The following KLHL1 variants were observed in gnomAD, a reference collection of about 807,000 sequenced individuals.
KLHL1 encodes kelch like family member 1, also known as kelch-like protein 1.
A neutral mutation model predicts 77.7 loss-of-function variants in KLHL1; 47 were observed. That is an observed-to-expected ratio of 0.60 (90% CI 0.48 to 0.77). The LOEUF is 0.77. Among genes scored for constraint, KLHL1 ranks in the 30% least tolerant of loss-of-function variants. The pLI is 0.00. For missense variants in KLHL1, 925 were observed against 910.8 expected, an observed-to-expected ratio of 1.02 and a Z score of -0.20; for synonymous variants, 360 against 325.2, an observed-to-expected ratio of 1.11 and a Z score of -1.15.
At position 69,882,355 on chromosome 13, in the gene KLHL1, A is replaced by T. The variant is rs562926161; in HGVS notation, c.1155T>A (p.Tyr385Ter). 1.2e-6 allele frequency: 2 copies of T among 1,613,986 alleles called. No homozygotes were observed. Among genetic ancestry groups the T allele is most frequent in the South Asian group, 1.1e-5 (1 of 91,072 alleles). Residue 385 changes from tyrosine (Y) to a stop codon, truncating the protein, a stop_gained, in exon 5 of 11, where the codon TAT becomes TAA. Transcript: ENST00000377844. LOFTEE classifies it high-confidence loss of function. ...GGTCATTGCATCTACTCTGCATGTC[A>T]TACTTGACCCACATCATCAATGCAT... The part of the protein sequence containing the change: ...IFHALMMWVK[Y>*]DMQSRCNDLS...
chr13:69,859,504 C>G (rs1287359671), intron 5 of KLHL1, among the ~76,000 whole-genome samples: 6 of 152,006 alleles, frequency 3.9e-5, no homozygotes, highest in African/African-American at 1.4e-4. Flanking sequence ...TCTGGTCCTT[C>G]CCTCTAGGAT....
chr13:69,796,021 C>A (rs1877088757), intron 7 of KLHL1, among the ~76,000 whole-genome samples: 1 of 152,128 alleles, frequency 6.6e-6, no homozygotes. Context: ...CTACTTCGGC[C>A]TTTCCATGTT....
Position 70,077,851 on chromosome 13 carries a change from G to A in KLHL1, c.497+29352C>T, listed in dbSNP as rs143828895. On this transcript the variant is annotated intron_variant, in intron 1 of 10. Transcript: ENST00000377844. ...AAATAATATCTTATCCAATAAAATC[G>A]AAGTCATGAAAAACCTCTGGATATG... Among the ~76,000 whole-genome samples the A allele has an allele frequency of 4.4e-3, 661 of 151,776 alleles. 4 individuals carry two copies. Among genetic ancestry groups the A allele is most frequent in the Non-Finnish European group, 6.9e-3 (470 of 67,820 alleles).
intron 7 of KLHL1, among the ~76,000 whole-genome samples, chr13:69,789,217 T>G (rs1034935060): frequency 5.3e-5 from 8 of 152,132 alleles, no homozygotes; most frequent in Non-Finnish European, 2.9e-5. Flanking sequence ...TCAATTTCAC[T>G]CAGACATTGA....
chr13:70,103,030 A>T (rs1887961279), intron 1 of KLHL1, among the ~76,000 whole-genome samples: 1 of 152,178 alleles, frequency 6.6e-6, no homozygotes, highest in Admixed American at 6.5e-5. Flanking sequence ...GAATTTTTTT[A>T]AAAAGTAGAG....
intron 7 of KLHL1, among the ~76,000 whole-genome samples, chr13:69,764,528 T>C: frequency 7.3e-6 from 1 of 136,214 alleles, no homozygotes; most frequent in South Asian, 2.4e-4. Flanking sequence ...ATTCATAACA[T>C]TTCTACTAAA....
intron 5 of KLHL1, among the ~76,000 whole-genome samples, chr13:69,879,086 C>T (rs1678411693): frequency 6.6e-6 from 1 of 152,140 alleles, no homozygotes; most frequent in Non-Finnish European, 1.5e-5. Flanking sequence ...GAACATCACA[C>T]ACCAGGGCCT....
intron 5 of KLHL1, among the ~76,000 whole-genome samples, chr13:69,856,655 T>G (rs532978786): frequency 6.6e-6 from 1 of 152,214 alleles, no homozygotes; most frequent in East Asian, 1.9e-4. Context: ...CACCTTACTT[T>G]GTTATTACAC....
chr13:69,844,026 G>T (rs1462931947), intron 5 of KLHL1, among the ~76,000 whole-genome samples: 1 of 151,160 alleles, frequency 6.6e-6, no homozygotes, highest in South Asian at 2.1e-4. Context: ...ACAAATACAT[G>T]CAAAGATAGA....
intron 4 of KLHL1, among the ~76,000 whole-genome samples, chr13:69,928,459 G>A (rs898168542): frequency 8.5e-5 from 13 of 152,102 alleles, no homozygotes; most frequent in African/African-American, 2.9e-4. Context: ...ATGGGCATTG[G>A]GCTACAAACC....
At chr13:70,070,244 C>T (rs1223277481) in intron 1 of KLHL1, among the ~76,000 whole-genome samples, 2 of 151,554 alleles carry the variant, frequency 1.3e-5, no homozygotes, top group African/African-American at 2.4e-5. Context: ...CAGATCCAGG[C>T]ATATAAGAGA....
intron 6 of KLHL1, among the ~76,000 whole-genome samples, chr13:69,807,084 G>T (rs1393124999): frequency 6.6e-6 from 1 of 152,132 alleles, no homozygotes; most frequent in Non-Finnish European, 1.5e-5. Flanking sequence ...CTGAGTTCAG[G>T]CTGACATGAG....
intron 3 of KLHL1, among the ~76,000 whole-genome samples, chr13:69,953,219 A>G (rs900906529): frequency 6.6e-6 from 1 of 151,290 alleles, no homozygotes; most frequent in African/African-American, 2.4e-5. Context: ...AAATAGTGCT[A>G]AGAAGCATCA....
intron 1 of KLHL1, among the ~76,000 whole-genome samples, chr13:70,042,866 T>C (rs1190529370): frequency 2.0e-5 from 3 of 152,076 alleles, no homozygotes; most frequent in African/African-American, 7.2e-5. Flanking sequence ...GGACAAGATA[T>C]GGAGATATGG....
At chr13:69,732,973 C>G (rs916219974) in intron 8 of KLHL1, among the ~76,000 whole-genome samples, 2 of 152,000 alleles carry the variant, frequency 1.3e-5, no homozygotes, top group African/African-American at 2.4e-5. Context: ...TTTTAGTTCT[C>G]CACCCCCAGG....
At chr13:70,090,330 A>G (rs1447626639) in intron 1 of KLHL1, among the ~76,000 whole-genome samples, 3 of 152,122 alleles carry the variant, frequency 2.0e-5, no homozygotes, top group Admixed American at 1.3e-4. Flanking sequence ...CAGGCTTCAT[A>G]GAAGTACTGA....
intron 6 of KLHL1, among the ~76,000 whole-genome samples, chr13:69,799,786 G>A (rs548577652): frequency 6.6e-6 from 1 of 152,234 alleles, no homozygotes; most frequent in Non-Finnish European, 1.5e-5. Flanking sequence ...TCTAGAACAA[G>A]GGTCCCCAAC....
In KLHL1 at chr13:69,802,685, C is replaced by A. The variant is rs186922857; in HGVS notation, c.1415-5723G>T. 2.8e-4 allele frequency among the ~76,000 whole-genome samples: 42 copies of A among 151,844 alleles called. 1 individual carries two copies. On this transcript the variant is annotated intron_variant, in intron 6 of 10. Coordinates refer to ENST00000377844, the MANE Select transcript of KLHL1 (RefSeq NM_020866.3). ...ACCGGTGCATGCAGCCCCCCAGTCC[C>A]GTACCCCCTGCTTGCTCAATCGATC...
chr13:69,821,332 T>A (rs1306467622), intron 6 of KLHL1, among the ~76,000 whole-genome samples: 1 of 152,134 alleles, frequency 6.6e-6, no homozygotes, highest in African/African-American at 2.4e-5. Flanking sequence ...TTTCTTTTTT[T>A]GAGATAGAGT....
Sources: allele counts gnomAD v4.1 joint callset (sites outside exome capture counted in the v4.1 genomes callset), GRCh38; gene constraint gnomAD v4.1.1; transcripts MANE v1.5; gene names NCBI Gene and HGNC (gene_info 2026-07-23, HGNC 2026-07-21).